The following SGCD variants were observed in gnomAD, a reference collection of about 807,000 sequenced individuals.
SGCD encodes sarcoglycan delta.
In SGCD, 18 loss-of-function variants were observed where a neutral mutation model predicts 36.6. That is an observed-to-expected ratio of 0.49 (90% CI 0.34 to 0.73). SGCD has a LOEUF of 0.73. Ranked by LOEUF, SGCD falls within the 30% of genes least tolerant of loss-of-function variation. The pLI is 0.01. For missense variants in SGCD, 387 were observed against 346.7 expected (o/e 1.12, Z -0.92); for synonymous variants, 133 against 130.6 (o/e 1.02, Z -0.12).
chr5:156,019,349 T>A (rs1414995326), intron 1 of SGCD, among the ~76,000 whole-genome samples: 1 of 152,196 alleles, frequency 6.6e-6, no homozygotes, highest in African/African-American at 2.4e-5. Context: ...TTAATTTGAG[T>A]TTTCCCTGGA....
intron 1 of SGCD, among the ~76,000 whole-genome samples, chr5:155,985,545 G>A (rs1211198070): frequency 6.6e-6 from 1 of 152,088 alleles, no homozygotes; most frequent in African/African-American, 2.4e-5. Context: ...ATTAGGATGT[G>A]GAATATTTGG....
At chr5:155,946,151 G>T (rs143964134) in intron 1 of SGCD, among the ~76,000 whole-genome samples, 2 of 152,108 alleles carry the variant, frequency 1.3e-5, no homozygotes, top group Non-Finnish European at 2.9e-5. Context: ...TGCAAACAGC[G>T]GGTCTGTGGA....
At chr5:155,832,029 C>A in the SGCD span, among the ~76,000 whole-genome samples, 1 of 152,118 alleles carries the variant, frequency 6.6e-6, no homozygotes, top group African/African-American at 2.4e-5. Context: ...CAAAGGAAAG[C>A]GTATTAACTG....
the SGCD span, among the ~76,000 whole-genome samples, chr5:155,817,211 A>C: frequency 6.6e-6 from 1 of 152,140 alleles, no homozygotes; most frequent in Non-Finnish European, 1.5e-5. Flanking sequence ...ATTCTTGGTA[A>C]TGCTGCAATG....
At chr5:155,836,100 T>G in the SGCD span, among the ~76,000 whole-genome samples, 1 of 152,350 alleles carries the variant, frequency 6.6e-6, no homozygotes, top group Admixed American at 6.5e-5. Flanking sequence ...GTTTCAGTCC[T>G]GACTACTTCA....
In SGCD at chr5:156,145,029, A is replaced by G. The variant is rs199927699; in HGVS notation, c.-44+21010A>G. ...ATAAGATTTTGGAGGTTCCAGGGAC[A>G]GAATGATGTGGTTTGAATCTGTGTC... On this transcript the variant is annotated intron_variant, in intron 3 of 9. Coordinates refer to the SGCD transcript ENST00000517913. Among the ~76,000 whole-genome samples the G allele has an allele frequency of 1.1e-4, 16 of 152,330 alleles. No homozygotes were observed. The East Asian group carries it at 3.1e-3, about 29-fold the overall frequency.
chr5:156,487,805 A>AG (rs1755748795), intron 3 of SGCD, among the ~76,000 whole-genome samples: 7 of 121,528 alleles, frequency 5.8e-5, no homozygotes, highest in East Asian at 2.3e-4. Context: ...AAAAAAAAAA[A>AG]AAAAAAAAAA....
intron 3 of SGCD, among the ~76,000 whole-genome samples, chr5:156,138,878 G>A (rs989272728): frequency 1.3e-5 from 2 of 152,152 alleles, no homozygotes; most frequent in African/African-American, 2.4e-5. Flanking sequence ...TTTAACCATA[G>A]TGGATATAAA....
chr5:156,546,903 A>C (rs891233527), intron 4 of SGCD, among the ~76,000 whole-genome samples: 5 of 152,210 alleles, frequency 3.3e-5, no homozygotes, highest in Non-Finnish European at 7.4e-5. Flanking sequence ...CCTTGATGTA[A>C]TTTCAGGAAA....
At chr5:155,938,373 G>C (rs1264098244) in intron 1 of SGCD, among the ~76,000 whole-genome samples, 1 of 152,150 alleles carries the variant, frequency 6.6e-6, no homozygotes, top group Non-Finnish European at 1.5e-5. Flanking sequence ...TTTTTCATCT[G>C]ACAGCCCCTT....
chr5:156,619,400 G>A (rs889364804), intron 6 of SGCD, among the ~76,000 whole-genome samples: 1 of 152,188 alleles, frequency 6.6e-6, no homozygotes, highest in South Asian at 2.1e-4. Context: ...ACACAACTTG[G>A]ATTTCTCTAT....
chr5:155,787,244 G>T, the SGCD span, among the ~76,000 whole-genome samples: 23 of 152,028 alleles, frequency 1.5e-4, 1 homozygote, highest in Admixed American at 6.6e-4. Flanking sequence ...AGCAAATTGT[G>T]CCTATAAAAC....
rs141274610 is a variant in SGCD, at chr5:155,922,504, C to T, written c.-282+52080C>T. On this transcript the variant is annotated intron_variant, in intron 1 of 9. Transcript: ENST00000517913. ...TCACTGAAGATCTTCATTTATTTGG[C>T]GTCTATGATTTTAAAACTTTTTAAA... Among the ~76,000 whole-genome samples, 574 of 152,026 alleles carry T rather than the reference C, an allele frequency of 3.8e-3. 5 individuals carry two copies. Among genetic ancestry groups the T allele is most frequent in the Admixed American group, 0.016 (238 of 15,272 alleles).
intron 3 of SGCD, among the ~76,000 whole-genome samples, chr5:156,292,175 T>A (rs1766774941): frequency 6.6e-6 from 1 of 152,092 alleles, no homozygotes; most frequent in Admixed American, 6.6e-5. Context: ...TACACTTCAT[T>A]GATATTAAGT....
At chr5:156,516,521 C>T (rs999903914) in intron 4 of SGCD, among the ~76,000 whole-genome samples, 1 of 152,102 alleles carries the variant, frequency 6.6e-6, no homozygotes, top group African/African-American at 2.4e-5. Context: ...GGTCAGCAGC[C>T]TCAAATAACA....
At chr5:156,339,840 A>G (rs998980457) in intron 2 of SGCD, among the ~76,000 whole-genome samples, 3 of 152,240 alleles carry the variant, frequency 2.0e-5, no homozygotes, top group Non-Finnish European at 4.4e-5. Context: ...AAAAGATGAC[A>G]TCACAAAATC....
At chr5:156,267,128 A>G (rs1308336574) in intron 3 of SGCD, among the ~76,000 whole-genome samples, 7 of 152,186 alleles carry the variant, frequency 4.6e-5, no homozygotes, top group Non-Finnish European at 4.4e-5. Context: ...TGGGGGTATC[A>G]AATGTCACTT....
intron 3 of SGCD, among the ~76,000 whole-genome samples, chr5:156,369,408 T>C (rs1470844390): frequency 6.6e-6 from 1 of 152,214 alleles, no homozygotes; most frequent in East Asian, 1.9e-4. Context: ...TTAAATTTCC[T>C]CATTTTTGAA....
chr5:156,733,951 GATCCTCTC>G (rs1216207289), intron 7 of SGCD, among the ~76,000 whole-genome samples: 3 of 151,814 alleles, frequency 2.0e-5, no homozygotes, highest in Non-Finnish European at 4.4e-5. Context: ...ATGTGTATTT[GATCCTCTC>G]ATCATGATCT....
Sources: gnomAD v4.1 joint callset for allele counts (sites outside exome capture counted in the v4.1 genomes callset) on GRCh38, gnomAD v4.1.1 for gene constraint, MANE v1.5 for transcripts, NCBI Gene and HGNC (gene_info 2026-07-23, HGNC 2026-07-21) for gene names.